FRAS1: variants seen among roughly 807,000 people sequenced by gnomAD.
FRAS1 encodes Fraser extracellular matrix complex subunit 1.
A neutral mutation model predicts 435.2 loss-of-function variants in FRAS1; 290 were observed. That is an observed-to-expected ratio of 0.67 (90% CI 0.61 to 0.73). The LOEUF (loss-of-function observed/expected upper bound fraction) is 0.73. FRAS1 is among the 30% of genes least tolerant of loss of function. The pLI is 0.00. For missense variants in FRAS1, 4,860 were observed against 5,001.5 expected, an observed-to-expected ratio of 0.97 and a Z score of 0.85; for synonymous variants, 1,800 against 1,851.0, an observed-to-expected ratio of 0.97 and a Z score of 0.71.
chr4:78,253,232 T>C (rs1477764283), intron 5 of FRAS1, among the ~76,000 whole-genome samples: 1 of 152,220 alleles, frequency 6.6e-6, no homozygotes, highest in Non-Finnish European at 1.5e-5. Context: ...GGCTCTATTC[T>C]ACCCGACCCC....
At chr4:78,535,212 C>A (rs765514980) in intron 71 of FRAS1, among the ~76,000 whole-genome samples, 1 of 152,182 alleles carries the variant, frequency 6.6e-6, no homozygotes, top group Non-Finnish European at 1.5e-5. Context: ...CTGCCCCTTC[C>A]GTGTTAGTGT....
At chr4:78,416,925 G>C (rs959653723) in intron 32 of FRAS1, among the ~76,000 whole-genome samples, 5 of 152,030 alleles carry the variant, frequency 3.3e-5, no homozygotes, top group Non-Finnish European at 7.4e-5. Flanking sequence ...GTTGGACTCT[G>C]GATATATTCA....
intron 2 of FRAS1, chr4:78,181,150 A>ACCT (rs1721983140): frequency 6.3e-7 from 1 of 1,586,758 alleles, no homozygotes; most frequent in South Asian, 1.1e-5. Context: ...GCCCATCAGC[A>ACCT]CCTTCATTTG....
At chr4:78,058,440 A>G (rs1193092537) in intron 1 of FRAS1, among the ~76,000 whole-genome samples, 1 of 152,150 alleles carries the variant, frequency 6.6e-6, no homozygotes, top group East Asian at 1.9e-4. Context: ...ACAGGTGAGG[A>G]GCGAACAATT....
chr4:78,239,317 C>T (rs1724902944), intron 3 of FRAS1, among the ~76,000 whole-genome samples: 2 of 152,088 alleles, frequency 1.3e-5, no homozygotes, highest in South Asian at 4.1e-4. Flanking sequence ...ATATCTAGTA[C>T]ATTAACAACC....
chr4:78,448,613 C>A (rs4975067), intron 44 of FRAS1, among the ~76,000 whole-genome samples: 105,200 of 151,902 alleles, frequency 0.69, 36,732 homozygotes, highest in Non-Finnish European at 0.74. Flanking sequence ...TTATTCAACT[C>A]CTCCTAGGCC....
At chr4:78,509,134 C>A in intron 63 of FRAS1, 128 bp downstream of exon 63, 1 of 1,041,566 alleles carries the variant, frequency 9.6e-7, no homozygotes, top group Non-Finnish European at 1.4e-6. Flanking sequence ...TAAGCAGGTG[C>A]ACAGTCTTTT....
chr4:78,176,230 G>A (rs942525849), intron 2 of FRAS1, among the ~76,000 whole-genome samples: 1 of 152,104 alleles, frequency 6.6e-6, no homozygotes, highest in African/African-American at 2.4e-5. Flanking sequence ...TAAGAAAAAG[G>A]ACTGAAAACT....
At chr4:78,134,508 G>A (rs1408651315) in intron 2 of FRAS1, among the ~76,000 whole-genome samples, 1 of 152,130 alleles carries the variant, frequency 6.6e-6, no homozygotes, top group Non-Finnish European at 1.5e-5. Context: ...ATCTGGCAAT[G>A]AGAGAAGAAA....
intron 71 of FRAS1, among the ~76,000 whole-genome samples, 160 bp downstream of exon 71, chr4:78,534,775 C>CA (rs1446941587): frequency 6.6e-6 from 1 of 152,226 alleles, no homozygotes; most frequent in African/African-American, 2.4e-5. Flanking sequence ...AATCTAGGTA[C>CA]AGGCCCATTT....
chr4:78,429,315 A>C (rs1734122751), intron 36 of FRAS1, 89 bp downstream of exon 36: 1 of 1,455,230 alleles, frequency 6.9e-7, no homozygotes, highest in Non-Finnish European at 9.1e-7. Flanking sequence ...TTGCCAAAAA[A>C]GCAAACTCTT....
intron 2 of FRAS1, among the ~76,000 whole-genome samples, chr4:78,141,778 TATACACG>T (rs1370588754): frequency 6.6e-6 from 1 of 152,180 alleles, no homozygotes; most frequent in East Asian, 1.9e-4. Flanking sequence ...GTGGTATATA[TATACACG>T]ATGGAATACT....
chr4:78,491,790 C>G (rs1249952908), intron 59 of FRAS1, among the ~76,000 whole-genome samples: 1 of 152,060 alleles, frequency 6.6e-6, no homozygotes, highest in Non-Finnish European at 1.5e-5. Context: ...TAGTATTAAA[C>G]GTTCTGGCTA....
intron 56 of FRAS1, 50 bp from the exon 57 acceptor site, chr4:78,481,754 A>C: frequency 6.2e-7 from 1 of 1,606,780 alleles, no homozygotes; most frequent in Non-Finnish European, 8.5e-7. Flanking sequence ...AACCTCGCTG[A>C]TTTTCTGGCT....
At chr4:78,264,887 A>C in intron 6 of FRAS1, 138 bp from the exon 7 acceptor site, 1 of 702,808 alleles carries the variant, frequency 1.4e-6, no homozygotes, top group Non-Finnish European at 2.6e-6. Flanking sequence ...CAGGTGACTA[A>C]GAAATGTTAA....
At position 78,057,369 on chromosome 4, in the gene FRAS1, G is replaced by C. The variant is rs1224302775; in HGVS notation, c.-641G>C. 6.6e-6 allele frequency among the ~76,000 whole-genome samples: 1 copy of C among 152,176 alleles called. No individual in the cohort carries two copies. The highest frequency in any genetic ancestry group is 2.4e-5 in the African/African-American group (1 of 41,448). ...CAGTCTGCTTCAGGGAGCGCAGCCT[G>C]AGGCGGTGTGGTGCGGTGCGGCTGC... On this transcript the variant is annotated 5_prime_UTR_variant, in exon 1 of 74. Coordinates refer to ENST00000512123, the MANE Select transcript of FRAS1 (RefSeq NM_025074.7). The surrounding 1 kb of genome is among the most constrained non-coding windows in gnomAD (Gnocchi z 4.2).
intron 4 of FRAS1, among the ~76,000 whole-genome samples, chr4:78,249,464 T>G (rs1183865278): frequency 6.6e-6 from 1 of 150,610 alleles, no homozygotes; most frequent in African/African-American, 2.4e-5. Flanking sequence ...CTGGGACTAC[T>G]GGCAACCGCC....
At position 78,473,538 on chromosome 4, in the gene FRAS1, T is replaced by A. The variant is rs755940744; in HGVS notation, c.7623T>A (p.Asn2541Lys). The A allele has an allele frequency of 3.1e-6, 5 of 1,612,934 alleles. No homozygotes were observed. Among genetic ancestry groups the A allele is most frequent in the Non-Finnish European group, 2.5e-6 (3 of 1,179,374 alleles). Reference protein sequence around the residue: ...FQFLVKDSKPNVVSDNVFHIQ... With the variant: ...FQFLVKDSKPKVVSDNVFHIQ... ...TTCTGGTGAAAGACAGTAAACCCAA[T>A]GTGGTCAGCGACAATGTCTTCCATA... is the stretch of plus-strand genomic sequence containing the variant. The change falls in exon 53 of 74, where the codon AAT (asparagine) becomes AAA (lysine). Residue 2541 changes from asparagine (N) to lysine (K), a missense_variant. Asn to Lys is a moderately conservative substitution (Grantham distance 94). Transcript: ENST00000512123.
Position 78,534,523 on chromosome 4 carries a change from A to C in FRAS1, c.11000A>C (p.Gln3667Pro), listed in dbSNP as rs777808965. The change falls in exon 71 of 74, where the codon CAG becomes CCG. Residue 3667 changes from glutamine (Q) to proline (P), a missense_variant. Transcript: ENST00000512123. ...PVVYSLNTEF[Q>P]LCNNEKVFLM... ...GTGTATTCACTTAACACTGAATTTC[A>C]GCTCTGCAATAATGAGAAGGTGTTC... is the stretch of plus-strand genomic sequence containing the variant. The C allele has an allele frequency of 2.5e-6, 4 of 1,613,686 alleles. No individual in the cohort carries two copies. In the Admixed American group the frequency reaches 6.7e-5, roughly 27 times the overall value.
Sources: gnomAD v4.1 joint callset for allele counts (sites outside exome capture counted in the v4.1 genomes callset) on GRCh38, gnomAD v4.1.1 for gene constraint, Gnocchi (gnomAD v3.1) non-coding constraint, MANE v1.5 for transcripts, NCBI Gene and HGNC (gene_info 2026-07-23, HGNC 2026-07-21) for gene names.